GAB2: variants seen among roughly 807,000 people sequenced by gnomAD.
GAB2 encodes the protein GRB2 associated binding protein 2.
GAB2 carries 26 observed loss-of-function variants against 65.5 expected under a neutral mutation model. The ratio of observed to expected loss-of-function variants is 0.40; its 90% CI spans 0.29 to 0.55. The LOEUF (loss-of-function observed/expected upper bound fraction) is 0.55. Ranked by LOEUF, GAB2 falls within the 20% of genes least tolerant of loss-of-function variation. The pLI is 0.53. For missense variants in GAB2, 884 were observed against 875.8 expected, an observed-to-expected ratio of 1.01 and a Z score of -0.12; for synonymous variants, 321 against 329.6, an observed-to-expected ratio of 0.97 and a Z score of 0.28.
intron 2 of GAB2, among the ~76,000 whole-genome samples, chr11:78,279,712 CT>C (rs1487223697): frequency 6.6e-6 from 1 of 152,090 alleles, no homozygotes; most frequent in Non-Finnish European, 1.5e-5. Context: ...AAAGATGGTC[CT>C]CTCTGTCTTC....
chr11:78,308,108 C>T (rs1488747803), intron 1 of GAB2, among the ~76,000 whole-genome samples: 2 of 152,144 alleles, frequency 1.3e-5, no homozygotes, highest in Admixed American at 6.5e-5. Flanking sequence ...ACTCCAGATG[C>T]TTGGGCCTAT....
chr11:78,367,826 T>C (rs796554960), intron 1 of GAB2, among the ~76,000 whole-genome samples: 15 of 143,040 alleles, frequency 1.0e-4, no homozygotes, highest in South Asian at 2.2e-4. Context: ...TTTTTCTTTT[T>C]TTTTTTTTTT....
At chr11:78,255,187 C>T (rs1865564156) in intron 2 of GAB2, among the ~76,000 whole-genome samples, 1 of 152,080 alleles carries the variant, frequency 6.6e-6, no homozygotes, top group South Asian at 2.1e-4. Context: ...GATGTATCTA[C>T]TAGCCACGGA....
At chr11:78,257,761 A>G (rs1865630849) in intron 2 of GAB2, among the ~76,000 whole-genome samples, 1 of 152,178 alleles carries the variant, frequency 6.6e-6, no homozygotes, top group African/African-American at 2.4e-5. Flanking sequence ...GCCATTTACT[A>G]AGCACCTATT....
intron 1 of GAB2, among the ~76,000 whole-genome samples, chr11:78,316,264 A>G (rs1232496487): frequency 1.3e-5 from 2 of 152,136 alleles, no homozygotes; most frequent in East Asian, 1.9e-4. Context: ...CAGATGGCCT[A>G]TTGTGGGACT....
chr11:78,402,284 G>A (rs1335817869), intron 1 of GAB2, among the ~76,000 whole-genome samples: 2 of 151,798 alleles, frequency 1.3e-5, no homozygotes, highest in East Asian at 1.9e-4. Flanking sequence ...GGTCCTAGAA[G>A]TAAGGAAGCC....
chr11:78,324,229 C>G (rs944123780), intron 1 of GAB2, among the ~76,000 whole-genome samples: 1 of 152,116 alleles, frequency 6.6e-6, no homozygotes, highest in Non-Finnish European at 1.5e-5. Context: ...TCTGGCTGAT[C>G]TTTAGCAGCC....
intron 4 of GAB2, among the ~76,000 whole-genome samples, chr11:78,225,406 G>C (rs956565990): frequency 2.0e-5 from 3 of 152,190 alleles, no homozygotes; most frequent in South Asian, 2.1e-4. Context: ...TCCAGTGTTA[G>C]CATCTGCAGA....
intron 2 of GAB2, among the ~76,000 whole-genome samples, chr11:78,253,923 C>T (rs749755885): frequency 6.6e-6 from 1 of 152,194 alleles, no homozygotes; most frequent in Non-Finnish European, 1.5e-5. Flanking sequence ...ATTGACACAA[C>T]CTACTTATTC....
chr11:78,385,808 A>T (rs1219512725), intron 1 of GAB2, among the ~76,000 whole-genome samples: 1 of 152,216 alleles, frequency 6.6e-6, no homozygotes, highest in African/African-American at 2.4e-5. Flanking sequence ...GCACCCAATG[A>T]TAGGAATCTG....
At chr11:78,368,705 G>GAA (rs543620630) in intron 1 of GAB2, among the ~76,000 whole-genome samples, 1 of 146,112 alleles carries the variant, frequency 6.8e-6, no homozygotes, top group Non-Finnish European at 1.5e-5. Context: ...TTAACAAACT[G>GAA]AAAAAAAAAA....
At chr11:78,359,993 T>A (rs1591064584) in intron 1 of GAB2, among the ~76,000 whole-genome samples, 1 of 152,194 alleles carries the variant, frequency 6.6e-6, no homozygotes, top group East Asian at 1.9e-4. Context: ...TGTAATCATA[T>A]GTATCCATAT....
intron 1 of GAB2, among the ~76,000 whole-genome samples, chr11:78,368,516 A>G (rs1856526989): frequency 1.3e-5 from 2 of 152,224 alleles, no homozygotes; most frequent in South Asian, 4.1e-4. Context: ...AAATATATAA[A>G]TTACTACACA....
rs773384402 is a variant in GAB2 at position 78,250,145 on chromosome 11, G to A, written c.620+12C>T. On this transcript the variant is annotated intron_variant, in intron 3 of 9. Transcript: ENST00000361507. ...GTCACTAACCCACCTAATGGCTGTGGCAGCCTCCTACCTTGCATTTTCTGC... is the reference window on the plus strand; with the variant it reads ...GTCACTAACCCACCTAATGGCTGTGACAGCCTCCTACCTTGCATTTTCTGC... 1 of 1,611,570 alleles carries A rather than the reference G, an allele frequency of 6.2e-7. No individual in the cohort carries two copies. Among genetic ancestry groups the A allele is most frequent in the Admixed American group, 1.7e-5 (1 of 59,778 alleles).
At chr11:78,294,304 C>T (rs1388706266) in intron 1 of GAB2, among the ~76,000 whole-genome samples, 4 of 152,180 alleles carry the variant, frequency 2.6e-5, no homozygotes, top group Non-Finnish European at 5.9e-5. Context: ...TTTTCTTAAT[C>T]CAGTCTATCG....
intron 2 of GAB2, among the ~76,000 whole-genome samples, chr11:78,257,774 G>A (rs61881812): frequency 1.3e-5 from 2 of 152,046 alleles, no homozygotes; most frequent in Non-Finnish European, 2.9e-5. Flanking sequence ...CACCTATTAT[G>A]TGCCTCTAGT....
At position 78,267,536 on chromosome 11, in the gene GAB2, C is replaced by T. The variant is rs181471609; in HGVS notation, c.376+13065G>A. ...TACTAAGACTGTCACTTCACACACA[C>T]GAGAACACTAACATACATGCACAAA... On this transcript the variant is annotated intron_variant, in intron 2 of 9. Transcript: ENST00000361507. Among the ~76,000 whole-genome samples the T allele has an allele frequency of 6.9e-4, 105 of 152,136 alleles. 1 individual carries two copies. The highest frequency in any genetic ancestry group is 6.8e-3 in the Middle Eastern group (2 of 294).
chr11:78,355,582 C>G (rs1298741677), intron 1 of GAB2, among the ~76,000 whole-genome samples: 4 of 145,588 alleles, frequency 2.7e-5, no homozygotes, highest in Admixed American at 1.4e-4. Context: ...GAGGCTGAGA[C>G]AGTAACATCA....
intron 3 of GAB2, among the ~76,000 whole-genome samples, chr11:78,232,524 G>A (rs180853143): frequency 5.9e-5 from 9 of 152,304 alleles, no homozygotes; most frequent in African/African-American, 1.9e-4. Context: ...AACTCTTTCC[G>A]TTGGCAATAG....
Sources: allele counts gnomAD v4.1 joint callset (sites outside exome capture counted in the v4.1 genomes callset), GRCh38; gene constraint gnomAD v4.1.1; transcripts MANE v1.5; gene names NCBI Gene and HGNC (gene_info 2026-07-23, HGNC 2026-07-21).